Variants in GPHN observed in about 807,000 individuals in gnomAD.
The protein encoded by GPHN is gephyrin.
GPHN carries 17 observed loss-of-function variants against 95.5 expected under a neutral mutation model. That is an observed-to-expected ratio of 0.18 (90% CI 0.12 to 0.27). GPHN has a LOEUF of 0.27. GPHN is among the 10% of genes least tolerant of loss of function. GPHN has a pLI of 1.00. For missense variants in GPHN, 660 were observed against 978.1 expected, an observed-to-expected ratio of 0.67 and a Z score of 4.34; for synonymous variants, 320 against 322.5, an observed-to-expected ratio of 0.99 and a Z score of 0.08.
At chr14:67,610,095 C>T in the GPHN span, among the ~76,000 whole-genome samples, 2 of 151,514 alleles carry the variant, frequency 1.3e-5, no homozygotes, top group East Asian at 1.9e-4. Context: ...GTGGCTGCTT[C>T]GAGGGTTGCC....
At chr14:67,726,068 A>G in the GPHN span, 3 of 1,613,872 alleles carry the variant, frequency 1.9e-6, no homozygotes. Flanking sequence ...GCAGCTCCAT[A>G]TTCTGATCAA....
intron 20 of GPHN, among the ~76,000 whole-genome samples, chr14:67,167,211 A>G (rs1027138450): frequency 2.6e-5 from 4 of 152,204 alleles, no homozygotes; most frequent in Non-Finnish European, 4.4e-5. Context: ...CCACTATTAC[A>G]AGTTTTTTAT....
chr14:66,700,186 G>A (rs987206685), intron 2 of GPHN, among the ~76,000 whole-genome samples: 4 of 152,134 alleles, frequency 2.6e-5, no homozygotes, highest in African/African-American at 7.2e-5. Context: ...ATTGGTATCA[G>A]TAAAATGGAC....
At chr14:66,806,304 C>T (rs1032203114) in intron 3 of GPHN, among the ~76,000 whole-genome samples, 7 of 152,158 alleles carry the variant, frequency 4.6e-5, no homozygotes, top group African/African-American at 1.7e-4. Flanking sequence ...TCCTCTTAGT[C>T]CTCCAGACCT....
intron 5 of GPHN, among the ~76,000 whole-genome samples, chr14:66,909,433 TACTA>T (rs2065559430): frequency 6.6e-6 from 1 of 152,048 alleles, no homozygotes; most frequent in Non-Finnish European, 1.5e-5. Flanking sequence ...AAAAATAAGA[TACTA>T]ACATATCAAA....
chr14:67,706,399 C>T, the GPHN span: 1 of 152,178 alleles, frequency 6.6e-6, no homozygotes, highest in Non-Finnish European at 1.5e-5. Flanking sequence ...ACACAGCCTT[C>T]GGAGGGCCTG....
At chr14:67,460,302 C>T in the GPHN span, among the ~76,000 whole-genome samples, 2 of 152,118 alleles carry the variant, frequency 1.3e-5, no homozygotes, top group Admixed American at 6.5e-5. Flanking sequence ...AATTATGGAC[C>T]ATGTGGCCTT....
At chr14:67,554,490 A>T in the GPHN span, among the ~76,000 whole-genome samples, 2 of 152,198 alleles carry the variant, frequency 1.3e-5, no homozygotes, top group Non-Finnish European at 1.5e-5. Context: ...TGTATGATGC[A>T]TATGTGTTAC....
At chr14:66,577,913 A>G (rs1420114070) in intron 1 of GPHN, among the ~76,000 whole-genome samples, 2 of 152,012 alleles carry the variant, frequency 1.3e-5, no homozygotes, top group East Asian at 3.9e-4. Context: ...CAGGAATCCT[A>G]TTTTAGACAG....
chr14:66,674,689 G>A (rs969429838), intron 1 of GPHN, among the ~76,000 whole-genome samples: 2 of 151,938 alleles, frequency 1.3e-5, no homozygotes, highest in South Asian at 2.1e-4. Context: ...ATGTATATAC[G>A]ACACATCATT....
At chr14:67,555,994 G>A in the GPHN span, 1 of 1,402,326 alleles carries the variant, frequency 7.1e-7, no homozygotes, top group Non-Finnish European at 9.8e-7. Flanking sequence ...GCAGTACTGT[G>A]TTATACCTGA....
At chr14:66,940,795 G>A (rs554983496) in intron 8 of GPHN, among the ~76,000 whole-genome samples, 2 of 152,272 alleles carry the variant, frequency 1.3e-5, no homozygotes, top group East Asian at 1.9e-4. Context: ...ATGTGTCTTG[G>A]GGTGGGGAGG....
At chr14:67,536,684 A>G in the GPHN span, among the ~76,000 whole-genome samples, 3 of 151,820 alleles carry the variant, frequency 2.0e-5, no homozygotes, top group Non-Finnish European at 4.4e-5. Context: ...AAGCCACAAT[A>G]TCTTTATTCA....
the GPHN span, chr14:67,382,351 TTTG>T: frequency 1.7e-6 from 2 of 1,182,492 alleles, no homozygotes; most frequent in Non-Finnish European, 2.3e-6. Flanking sequence ...TTTGGGGTGA[TTTG>T]TTAATACAGC....
intron 4 of GPHN, among the ~76,000 whole-genome samples, chr14:66,827,176 T>A (rs1053206012): frequency 6.6e-6 from 1 of 151,976 alleles, no homozygotes; most frequent in Non-Finnish European, 1.5e-5. Flanking sequence ...TCCCAGCTAC[T>A]TGGGTAGCTG....
the GPHN span, among the ~76,000 whole-genome samples, chr14:67,549,151 T>C: frequency 6.6e-6 from 1 of 152,192 alleles, no homozygotes; most frequent in Non-Finnish European, 1.5e-5. Flanking sequence ...AAAATCATCA[T>C]GGAATGGGTC....
the GPHN span, among the ~76,000 whole-genome samples, chr14:67,624,256 T>C: frequency 1.5e-3 from 227 of 150,550 alleles, no homozygotes; most frequent in Non-Finnish European, 2.6e-3. Context: ...AGCCAGAAAT[T>C]TGCACTTTAA....
At chr14:66,660,905 C>T (rs929155605) in intron 1 of GPHN, among the ~76,000 whole-genome samples, 2 of 152,072 alleles carry the variant, frequency 1.3e-5, no homozygotes, top group African/African-American at 2.4e-5. Flanking sequence ...AAACCATGCC[C>T]CTCCCACAGA....
intron 8 of GPHN, among the ~76,000 whole-genome samples, chr14:66,945,243 G>A (rs765290662): frequency 2.1e-4 from 32 of 152,118 alleles, no homozygotes; most frequent in South Asian, 6.2e-4. Context: ...CAGGTTTCCC[G>A]CCTCACAGAT....
Sources: allele counts gnomAD v4.1 joint callset (sites outside exome capture counted in the v4.1 genomes callset), GRCh38; gene constraint gnomAD v4.1.1; transcripts MANE v1.5; gene names NCBI Gene and HGNC (gene_info 2026-07-23, HGNC 2026-07-21).